KCNH5: variants seen among roughly 807,000 people sequenced by gnomAD.
KCNH5 encodes the protein potassium voltage-gated channel subfamily H member 5.
In KCNH5, 46 loss-of-function variants were observed where a neutral mutation model predicts 96.1. The observed-to-expected ratio is 0.48, with a 90% CI of 0.38 to 0.61. The LOEUF (loss-of-function observed/expected upper bound fraction) is 0.61. Among genes scored for constraint, KCNH5 ranks in the 20% least tolerant of loss-of-function variants. The probability of loss-of-function intolerance (pLI) is 0.00; values close to 1 mark genes in which losing one functional copy is unlikely to be tolerated. For synonymous variants in KCNH5, 439 were observed against 449.8 expected, an observed-to-expected ratio of 0.98 and a Z score of 0.30; for missense variants, 907 against 1,225.8, an observed-to-expected ratio of 0.74 and a Z score of 3.88.
chr14:63,020,248 A>C (rs560818139), intron 1 of KCNH5, among the ~76,000 whole-genome samples: 1 of 152,296 alleles, frequency 6.6e-6, no homozygotes, highest in African/African-American at 2.4e-5. Flanking sequence ...CACTTTGGAA[A>C]ACAGCTTCTT....
intron 7 of KCNH5, among the ~76,000 whole-genome samples, chr14:62,936,342 A>G (rs1889679360): frequency 6.6e-6 from 1 of 152,124 alleles, no homozygotes; most frequent in Non-Finnish European, 1.5e-5. Flanking sequence ...CTGAAGAGAA[A>G]GAGCCAGTAG....
In KCNH5 at chr14:62,847,051, C is replaced by T. The variant is rs1420297247; in HGVS notation, c.1569+2602G>A. Among the ~76,000 whole-genome samples, 18 of 149,130 alleles carry T rather than the reference C, an allele frequency of 1.2e-4. No homozygotes were observed. The East Asian group carries it at 2.9e-3, about 24-fold the overall frequency. On this transcript the variant is annotated intron_variant, in intron 8 of 10. Transcript: ENST00000322893. ...TCCTGACCTCGTGATCCGCCCACCT[C>T]GGCCTCCCAAAGTGCTGGGATTACA...
intron 10 of KCNH5, among the ~76,000 whole-genome samples, chr14:62,709,232 C>CAAAAAAAAAAAAAAAAAAAAAAAA (rs67304113): frequency 4.2e-5 from 3 of 71,572 alleles, no homozygotes; most frequent in East Asian, 5.4e-4. Context: ...GACTCCTTCT[C>CAAAAAAAAAAAAAAAAAAAAAAAA]AAAAAAAAAA....
intron 10 of KCNH5, among the ~76,000 whole-genome samples, chr14:62,758,220 A>C (rs1885668388): frequency 6.6e-6 from 1 of 151,960 alleles, no homozygotes. Flanking sequence ...TATAGTCAGT[A>C]GTAATTTAAT....
intron 6 of KCNH5, among the ~76,000 whole-genome samples, chr14:62,954,204 T>C (rs1417939349): frequency 1.3e-5 from 2 of 152,182 alleles, no homozygotes; most frequent in African/African-American, 4.8e-5. Flanking sequence ...TTATGACAAA[T>C]ACTCTCTCTT....
intron 7 of KCNH5, among the ~76,000 whole-genome samples, chr14:62,861,063 T>C (rs1300562794): frequency 6.6e-6 from 1 of 152,148 alleles, no homozygotes; most frequent in Non-Finnish European, 1.5e-5. Flanking sequence ...AATCTATAGT[T>C]ACAAAGACTA....
intron 8 of KCNH5, among the ~76,000 whole-genome samples, chr14:62,815,330 T>C (rs553090346): frequency 1.3e-5 from 2 of 152,206 alleles, no homozygotes; most frequent in Non-Finnish European, 2.9e-5. Context: ...TCTGGGGTTC[T>C]GATAATAAGG....
chr14:62,767,855 C>G (rs1054074247), intron 10 of KCNH5, among the ~76,000 whole-genome samples: 7 of 152,148 alleles, frequency 4.6e-5, no homozygotes, highest in African/African-American at 1.7e-4. Flanking sequence ...TGTATACACA[C>G]AATGGAATAC....
At chr14:62,858,483 G>A (rs1167124954) in intron 7 of KCNH5, among the ~76,000 whole-genome samples, 5 of 152,132 alleles carry the variant, frequency 3.3e-5, no homozygotes, top group African/African-American at 1.2e-4. Context: ...TTGAAAGTGT[G>A]GGACAATCAC....
chr14:62,824,069 C>A (rs1375036187), intron 8 of KCNH5, among the ~76,000 whole-genome samples: 13 of 151,834 alleles, frequency 8.6e-5, no homozygotes, highest in Non-Finnish European at 2.9e-5. Context: ...CAGGATTTAA[C>A]CAATCCCAGA....
chr14:62,703,711 A>G lies in KCNH5; in HGVS notation c.*3797T>C, dbSNP rs960088562. On this transcript the variant is annotated 3_prime_UTR_variant, in exon 11 of 11. Transcript: ENST00000322893. ...AATACTTTTACACCTAATAGAAAAA[A>G]TTATAGCACAACATTCACATGATTA... The G allele has an allele frequency of 5.9e-5, 9 of 151,906 alleles. No individual in the cohort carries two copies. Among genetic ancestry groups the G allele is most frequent in the African/African-American group, 2.2e-4 (9 of 41,444 alleles). 9.4% of individuals were successfully genotyped at this position (151,906 alleles called of 1,614,324 possible). A position where few individuals can be genotyped will look rare whatever the true frequency, so the allele number is the denominator to read the frequency against.
At chr14:62,712,892 A>T (rs1393330558) in intron 10 of KCNH5, among the ~76,000 whole-genome samples, 1 of 152,148 alleles carries the variant, frequency 6.6e-6, no homozygotes, top group Non-Finnish European at 1.5e-5. Flanking sequence ...CTTCAAGGAC[A>T]CCTTGTGTTT....
At chr14:62,729,076 T>A (rs1016636526) in intron 10 of KCNH5, among the ~76,000 whole-genome samples, 6 of 152,190 alleles carry the variant, frequency 3.9e-5, no homozygotes, top group African/African-American at 1.4e-4. Flanking sequence ...TTCACTATGT[T>A]TTCTTTTTCC....
intron 7 of KCNH5, among the ~76,000 whole-genome samples, chr14:62,874,358 T>A (rs1296214663): frequency 1.3e-5 from 2 of 151,964 alleles, no homozygotes; most frequent in African/African-American, 4.8e-5. Flanking sequence ...AACGAACATA[T>A]GTAAAAAAGC....
intron 7 of KCNH5, among the ~76,000 whole-genome samples, chr14:62,916,938 CACTG>C (rs938226474): frequency 6.6e-6 from 1 of 152,174 alleles, no homozygotes; most frequent in Non-Finnish European, 1.5e-5. Context: ...ACAACTTGAT[CACTG>C]ACTGAGAAGA....
chr14:62,965,927 T>C (rs943940000), intron 6 of KCNH5, among the ~76,000 whole-genome samples: 3 of 152,156 alleles, frequency 2.0e-5, no homozygotes, highest in Non-Finnish European at 2.9e-5. Context: ...TAGCATCATA[T>C]TGAACATAAA....
At chr14:62,904,487 C>A (rs1440292661) in intron 7 of KCNH5, among the ~76,000 whole-genome samples, 1 of 152,162 alleles carries the variant, frequency 6.6e-6, no homozygotes, top group Non-Finnish European at 1.5e-5. Context: ...CATGCCCCTA[C>A]CTCTTCCCCT....
chr14:62,903,627 A>G (rs1888971815), intron 7 of KCNH5, among the ~76,000 whole-genome samples: 1 of 152,190 alleles, frequency 6.6e-6, no homozygotes, highest in African/African-American at 2.4e-5. Context: ...TGCTCAGAAA[A>G]TAGAATCTAG....
At chr14:62,815,540 G>T (rs538615914) in intron 8 of KCNH5, among the ~76,000 whole-genome samples, 1 of 151,942 alleles carries the variant, frequency 6.6e-6, no homozygotes, top group African/African-American at 2.4e-5. Context: ...AGTAATACAG[G>T]TTAGTTTGAC....
Sources: gnomAD v4.1 joint callset for allele counts (sites outside exome capture counted in the v4.1 genomes callset) on GRCh38, gnomAD v4.1.1 for gene constraint, MANE v1.5 for transcripts, NCBI Gene and HGNC (gene_info 2026-07-23, HGNC 2026-07-21) for gene names.